Variants in UBE2O observed in about 807,000 individuals in gnomAD.
The protein encoded by UBE2O is ubiquitin conjugating enzyme E2 O.
In UBE2O, 15 loss-of-function variants were observed where a neutral mutation model predicts 125.8. The observed-to-expected ratio is 0.12, with a 90% CI of 0.08 to 0.18. The LOEUF is 0.18. Ranked by LOEUF, UBE2O falls within the 10% of genes least tolerant of loss-of-function variation. The pLI is 1.00. For synonymous variants in UBE2O, 708 were observed against 703.2 expected (o/e 1.01, Z -0.11); for missense variants, 1,280 against 1,723.6 (o/e 0.74, Z 4.56).
intron 1 of UBE2O, among the ~76,000 whole-genome samples, chr17:76,450,492 T>C (rs1380813520): frequency 6.6e-6 from 1 of 152,174 alleles, no homozygotes; most frequent in Non-Finnish European, 1.5e-5. Flanking sequence ...CCTTGGCTTT[T>C]GCTAAACCCA....
At position 76,395,945 on chromosome 17, in the gene UBE2O, C is replaced by G. The variant is rs776437426; in HGVS notation, c.2810-84G>C. The G allele has an allele frequency of 2.5e-6, 4 of 1,581,878 alleles. No homozygotes were observed. The highest frequency in any genetic ancestry group is 8.6e-7 in the Non-Finnish European group (1 of 1,160,390). ...CAACCTGGCTGGACAGGTGAGCACA[C>G]CCACAGACTTCCCACTCGCCGCTGC... On this transcript the variant is annotated intron_variant, in intron 14 of 17. Transcript: ENST00000319380. This position sits in a 1 kb window ranked among gnomAD's most constrained non-coding sequence, Gnocchi z 5.0.
Position 76,447,222 on chromosome 17 carries a change from G to A in UBE2O, c.417+5503C>T, listed in dbSNP as rs140094896. On this transcript the variant is annotated intron_variant, in intron 1 of 17. Coordinates refer to ENST00000319380, the MANE Select transcript of UBE2O (RefSeq NM_022066.4). ...CGTATAGTAATGATCTCTGAATCCT[G>A]AACTTAAGTATTCTCAGGTGAGAAC... 1.8e-4 allele frequency among the ~76,000 whole-genome samples: 28 copies of A among 152,344 alleles called. No individual in the cohort carries two copies. The East Asian group carries it at 2.5e-3, about 14-fold the overall frequency.
At chr17:76,401,266 C>A (rs1371605510) in intron 5 of UBE2O, 112 bp from the exon 6 acceptor site, 4 of 1,217,156 alleles carry the variant, frequency 3.3e-6, no homozygotes, top group Non-Finnish European at 4.6e-6. Context: ...CACTCACACA[C>A]ACGCCCCACA....
intron 1 of UBE2O, among the ~76,000 whole-genome samples, chr17:76,441,797 A>G (rs962443831): frequency 2.6e-5 from 4 of 152,222 alleles, no homozygotes; most frequent in African/African-American, 9.6e-5. Context: ...CTCCACTGAT[A>G]AACAGGGGTG....
rs775970809 is a variant in UBE2O, at chr17:76,395,905, T to C, written c.2810-44A>G. ...TAGTCAGTCCCTCATGGAGAGGCCC[T>C]GGAGCTCCATCTGCCAACCTGGCTG... On this transcript the variant is annotated intron_variant, in intron 14 of 17. Transcript: ENST00000319380. The surrounding 1 kb of genome is among the most constrained non-coding windows in gnomAD (Gnocchi z 5.0). 3 of 1,610,750 alleles carry C rather than the reference T, an allele frequency of 1.9e-6. 1 individual carries two copies. In the South Asian group the frequency reaches 3.3e-5, roughly 18 times the overall value.
At chr17:76,441,913 A>AG (rs2073080384) in intron 1 of UBE2O, among the ~76,000 whole-genome samples, 1 of 152,262 alleles carries the variant, frequency 6.6e-6, no homozygotes, top group Non-Finnish European at 1.5e-5. Context: ...GTGCAGGCAG[A>AG]GTGCATAGCC....
intron 1 of UBE2O, among the ~76,000 whole-genome samples, chr17:76,424,452 G>A (rs1016192906): frequency 6.6e-6 from 1 of 151,352 alleles, no homozygotes; most frequent in Non-Finnish European, 1.5e-5. Flanking sequence ...CACGTGATTC[G>A]CCCACCTCAG....
At position 76,452,619 on chromosome 17, in the gene UBE2O, T is replaced by G. The variant is rs1436232912; in HGVS notation, c.417+106A>C. 3 of 1,114,462 alleles carry G rather than the reference T, an allele frequency of 2.7e-6. No individual in the cohort carries two copies. The highest frequency in any genetic ancestry group is 3.5e-6 in the Non-Finnish European group (3 of 864,730). The allele number at this position is 1,114,462 out of a possible 1,614,324, so 69.0% of individuals were successfully genotyped here. ...GGGGCTGTCCTCCCGCGTCGGCCAC[T>G]GCAGTGGCACCGCTCCGGGCAGGGC... On this transcript the variant is annotated intron_variant, in intron 1 of 17. Transcript: ENST00000319380. The surrounding 1 kb of genome is among the most constrained non-coding windows in gnomAD (Gnocchi z 4.4).
intron 1 of UBE2O, among the ~76,000 whole-genome samples, chr17:76,421,452 G>A (rs965349981): frequency 1.3e-5 from 2 of 152,038 alleles, no homozygotes; most frequent in African/African-American, 4.8e-5. Flanking sequence ...ACCATAGCCT[G>A]CTTCCCCGGT....
intron 1 of UBE2O, among the ~76,000 whole-genome samples, chr17:76,424,576 C>T (rs989858357): frequency 5.3e-5 from 8 of 151,746 alleles, no homozygotes; most frequent in African/African-American, 1.9e-4. Context: ...TTAAATAAAA[C>T]ATTAAAATTA....
rs567270979 is a variant in UBE2O, at chr17:76,395,783, G to A, written c.2888C>T (p.Ala963Val). The change falls in exon 15 of 18, where the codon GCG (alanine) becomes GTG (valine). Residue 963 changes from alanine to valine, a missense_variant. This residue lies in a region of UBE2O where 116 missense variants were observed against 154.8 expected (regional missense o/e 0.75). Transcript: ENST00000319380. The surrounding 1 kb of genome is among the most constrained non-coding windows in gnomAD (Gnocchi z 5.0). The stretch of plus-strand genomic sequence containing the variant: ...CTCAGGCAGTGAGGTAGCCAGCAGC[G>A]CCATCTCCTTCCGCACTGTGCTGAA... ...KFFSTVRKEM[A>V]LLATSLPEGI... 9 of 1,614,216 alleles carry A rather than the reference G, an allele frequency of 5.6e-6. No homozygotes were observed. The highest frequency in any genetic ancestry group is 1.6e-4 in the Middle Eastern group (1 of 6,062).
Position 76,399,421 on chromosome 17 carries a change from T to C in UBE2O, c.1628+28A>G, listed in dbSNP as rs201187862. On this transcript the variant is annotated intron_variant, in intron 9 of 17. Coordinates refer to ENST00000319380, the MANE Select transcript of UBE2O (RefSeq NM_022066.4). The surrounding 1 kb of genome is among the most constrained non-coding windows in gnomAD (Gnocchi z 6.9). ...TCTGCCTGGCTTCACGCTGACGCCA[T>C]TGGGGAGGGGCACAACTCTGAGTTT... The C allele has an allele frequency of 6.3e-5, 101 of 1,604,610 alleles. No individual in the cohort carries two copies. In the Middle Eastern group the frequency reaches 1.0e-3, roughly 16 times the overall value.
At chr17:76,406,685 C>T (rs2072424605) in intron 1 of UBE2O, among the ~76,000 whole-genome samples, 1 of 146,414 alleles carries the variant, frequency 6.8e-6, no homozygotes, top group Non-Finnish European at 1.5e-5. Context: ...ACTCATGAGC[C>T]CAAGTTGTTT....
chr17:76,402,852 G>A lies in UBE2O; in HGVS notation c.589-153C>T, dbSNP rs1277176692. Reference sequence around the variant, plus strand: ...TGGCTACTAGCCCTAAACAGCTGCTGCAGCAGGCCCTCCCTACAAGTTCTA... The same window carrying A: ...TGGCTACTAGCCCTAAACAGCTGCTACAGCAGGCCCTCCCTACAAGTTCTA... On this transcript the variant is annotated intron_variant, in intron 3 of 17. Transcript: ENST00000319380. The surrounding 1 kb of genome is among the most constrained non-coding windows in gnomAD (Gnocchi z 5.4). Among the ~76,000 whole-genome samples the A allele has an allele frequency of 6.6e-6, 1 of 152,100 alleles. No individual in the cohort carries two copies. Among genetic ancestry groups the A allele is most frequent in the Non-Finnish European group, 1.5e-5 (1 of 68,024 alleles).
At chr17:76,420,152 A>G (rs2072685684) in intron 1 of UBE2O, among the ~76,000 whole-genome samples, 1 of 152,212 alleles carries the variant, frequency 6.6e-6, no homozygotes, top group Non-Finnish European at 1.5e-5. Context: ...ATCAACAGCC[A>G]CACTCTGAAA....
chr17:76,390,820 G>T lies in UBE2O; in HGVS notation c.*123C>A. ...TTCAGCATCAAACTCACCTTGGGGA[G>T]AAGAGGGCAGTGGGTTTGCAGTGGG... On this transcript the variant is annotated 3_prime_UTR_variant, in exon 18 of 18. Transcript: ENST00000319380. The T allele has an allele frequency of 1.0e-6, 1 of 965,964 alleles. No homozygotes were observed. Among genetic ancestry groups the T allele is most frequent in the Non-Finnish European group, 1.5e-6 (1 of 657,730 alleles). 59.8% of individuals were successfully genotyped at this position (965,964 alleles called of 1,614,324 possible). A position where few individuals can be genotyped will look rare whatever the true frequency, so the allele number is the denominator to read the frequency against.
At chr17:76,418,610 C>T (rs2072654635) in intron 1 of UBE2O, among the ~76,000 whole-genome samples, 1 of 150,978 alleles carries the variant, frequency 6.6e-6, no homozygotes, top group African/African-American at 2.5e-5. Context: ...CGCTCTGTCA[C>T]CCAGGCTGGA....
intron 1 of UBE2O, among the ~76,000 whole-genome samples, chr17:76,423,059 G>A (rs1409497587): frequency 6.6e-6 from 1 of 152,238 alleles, no homozygotes; most frequent in African/African-American, 2.4e-5. Context: ...GGCGTGGGCA[G>A]AATCCCCAAT....
Position 76,396,900 on chromosome 17 carries a change from C to G in UBE2O, c.2116-79G>C. 4 of 1,266,876 alleles carry G rather than the reference C, an allele frequency of 3.2e-6. No individual in the cohort carries two copies. The highest frequency in any genetic ancestry group is 4.4e-6 in the Non-Finnish European group (4 of 917,078). The allele number at this position is 1,266,876 out of a possible 1,614,324, so 78.5% of individuals were successfully genotyped here. On this transcript the variant is annotated intron_variant, in intron 13 of 17. Transcript: ENST00000319380. The surrounding 1 kb of genome is among the most constrained non-coding windows in gnomAD (Gnocchi z 6.7). The stretch of plus-strand genomic sequence containing the variant: ...CACTAAGGAGGAGCTCTGGGGATCC[C>G]TGATCCGCACAGCTGATGGCGACTG...
Sources: allele counts gnomAD v4.1 joint callset (sites outside exome capture counted in the v4.1 genomes callset), GRCh38; gene constraint gnomAD v4.1.1; regional missense constraint gnomAD v4.1.1; non-coding constraint Gnocchi (gnomAD v3.1); transcripts MANE v1.5; gene names NCBI Gene and HGNC (gene_info 2026-07-23, HGNC 2026-07-21).